Variants in LAIR2 observed in about 807,000 individuals in gnomAD.
LAIR2 encodes leukocyte-associated immunoglobulin-like receptor 2.
In LAIR2, 14 loss-of-function variants were observed where a neutral mutation model predicts 14.8. The ratio of observed to expected loss-of-function variants is 0.95; its 90% CI spans 0.62 to 1.48. The LOEUF (loss-of-function observed/expected upper bound fraction) is 1.48, where lower values mean the gene tolerates loss of function less well. LAIR2 is among the 40% of genes most tolerant of loss of function. LAIR2 has a pLI of 0.00. For synonymous variants in LAIR2, 75 were observed against 74.5 expected, an observed-to-expected ratio of 1.01 and a Z score of -0.03; for missense variants, 172 against 180.9, an observed-to-expected ratio of 0.95 and a Z score of 0.28.
chr19:54,503,007 G>C, intron 1 of LAIR2, 55 bp downstream of exon 1: 1 of 1,539,462 alleles, frequency 6.5e-7, no homozygotes, highest in Non-Finnish European at 8.9e-7. Context: ...GGTCTGGAAA[G>C]TTCCCTGCTC....
intron 4 of LAIR2, among the ~76,000 whole-genome samples, chr19:54,510,248 T>G (rs1399833756): frequency 1.4e-5 from 2 of 144,440 alleles, no homozygotes; most frequent in Admixed American, 1.4e-4. Flanking sequence ...CATATAAAGG[T>G]CACGAGGGCA....
intron 2 of LAIR2, among the ~76,000 whole-genome samples, chr19:54,504,734 C>G (rs1184643397): frequency 6.6e-6 from 1 of 152,092 alleles, no homozygotes; most frequent in Non-Finnish European, 1.5e-5. Flanking sequence ...CTCAGCCTCT[C>G]GAGTAGCTGG....
At chr19:54,508,260 C>G (rs575524807) in intron 3 of LAIR2, 76 bp downstream of exon 3, 2 of 1,430,360 alleles carry the variant, frequency 1.4e-6, no homozygotes, top group Non-Finnish European at 9.5e-7. Context: ...GGTCCCTGTC[C>G]CGGCTGCTGT....
chr19:54,504,449 A>G (rs1037252546), intron 2 of LAIR2, among the ~76,000 whole-genome samples: 6 of 152,200 alleles, frequency 3.9e-5, no homozygotes, highest in Non-Finnish European at 7.3e-5. Context: ...ATAATAAGTT[A>G]TTATTAACTA....
intron 4 of LAIR2, 46 bp from the exon 5 acceptor site, chr19:54,510,480 G>A (rs576707730): frequency 6.5e-7 from 1 of 1,547,448 alleles, no homozygotes; most frequent in Admixed American, 1.7e-5. Context: ...AAACCCCAAA[G>A]GAGGGATGCT....
At chr19:54,505,307 A>T (rs2085345768) in intron 2 of LAIR2, among the ~76,000 whole-genome samples, 1 of 151,980 alleles carries the variant, frequency 6.6e-6, no homozygotes, top group Non-Finnish European at 1.5e-5. Flanking sequence ...CAAAGGGCAG[A>T]CTCTGAACAC....
intron 3 of LAIR2, among the ~76,000 whole-genome samples, chr19:54,508,711 T>A (rs1202078529): frequency 6.6e-6 from 1 of 152,286 alleles, no homozygotes; most frequent in African/African-American, 2.4e-5. Context: ...CACTCCTGTG[T>A]GTGCTCAGCC....
intron 1 of LAIR2, 142 bp from the exon 2 acceptor site, chr19:54,503,558 T>C: frequency 2.1e-6 from 2 of 960,728 alleles, no homozygotes; most frequent in South Asian, 2.7e-5. Flanking sequence ...AAGGATTACA[T>C]GGAGACAGTG....
In LAIR2 at chr19:54,510,629, C is replaced by G; in HGVS notation, c.*60C>G. 6.3e-7 allele frequency: 1 copy of G among 1,590,584 alleles called. No individual in the cohort carries two copies. The highest frequency in any genetic ancestry group is 2.2e-5 in the East Asian group (1 of 44,750). On this transcript the variant is annotated 3_prime_UTR_variant, in exon 5 of 5. Transcript: ENST00000301202. ...AATGGGGAGAAATAATTAGAATGAG[C>G]AATAGAAATGCACAGATGCCTATAC...
intron 3 of LAIR2, among the ~76,000 whole-genome samples, 168 bp from the exon 4 acceptor site, chr19:54,508,867 C>T (rs2085416454): frequency 6.6e-6 from 1 of 152,234 alleles, no homozygotes; most frequent in East Asian, 1.9e-4. Context: ...ATGGGGCAAG[C>T]AGCGGGGCTC....
intron 4 of LAIR2, among the ~76,000 whole-genome samples, chr19:54,510,195 C>G (rs555022878): frequency 0.015 from 2,157 of 143,988 alleles, 40 homozygotes; most frequent in Non-Finnish European, 0.022. Context: ...CTCTCCCTCT[C>G]TTCTTCTCCT....
intron 4 of LAIR2, among the ~76,000 whole-genome samples, chr19:54,510,289 T>C (rs949366586): frequency 1.3e-5 from 2 of 150,254 alleles, no homozygotes; most frequent in Admixed American, 1.3e-4. Context: ...GCTGGGTTCA[T>C]GGTTCAAATC....
rs565620518 is a variant in LAIR2 at position 54,503,124 on chromosome 19, T to C, written c.34+172T>C. The stretch of plus-strand genomic sequence containing the variant: ...CTAAGTCTGATCAGAGACAACCTTG[T>C]CCTAAAAACAGGGGCCCGGGTGTGG... On this transcript the variant is annotated intron_variant, in intron 1 of 4. Transcript: ENST00000301202. 4.6e-5 allele frequency among the ~76,000 whole-genome samples: 7 copies of C among 152,166 alleles called. No individual in the cohort carries two copies. In the East Asian group the frequency reaches 1.4e-3, roughly 29 times the overall value.
chr19:54,508,098 A>G lies in LAIR2; in HGVS notation c.278A>G (p.Glu93Gly). 6.2e-7 allele frequency: 1 copy of G among 1,614,128 alleles called. No homozygotes were observed. The highest frequency in any genetic ancestry group is 8.5e-7 in the Non-Finnish European group (1 of 1,179,994). ...AGATTCCACATTGACTCAGTAAGTG[A>G]AGGAAATGCCGGGCTTTATCGCTGC... ...EARFHIDSVS[E>G]GNAGLYRCLY... The change falls in exon 3 of 5, where the codon GAA becomes GGA. Residue 93 changes from glutamate to glycine, a missense_variant. By Grantham distance (98) the Glu-to-Gly change is moderately conservative. This residue lies in a region of LAIR2 where 161 missense variants were observed against 149.0 expected (regional missense o/e 1.08). Transcript: ENST00000301202.
At chr19:54,504,916 A>T (rs2085337689) in intron 2 of LAIR2, among the ~76,000 whole-genome samples, 1 of 152,180 alleles carries the variant, frequency 6.6e-6, no homozygotes, top group African/African-American at 2.4e-5. Context: ...GGCCGAGATG[A>T]ACTTTTTTAG....
intron 2 of LAIR2, among the ~76,000 whole-genome samples, chr19:54,506,357 G>C (rs1294907887): frequency 6.6e-6 from 1 of 152,130 alleles, no homozygotes; most frequent in South Asian, 2.1e-4. Context: ...TGTAGTCACC[G>C]TGTTGTACAT....
chr19:54,503,630 C>T lies in LAIR2; in HGVS notation c.35-70C>T, dbSNP rs571325927. ...TGAATGCCCCCCAGCTCCGTCAAGCCCCCTTTTGACAGCAGCCCTGTAAGG... is the reference window on the plus strand; with the variant it reads ...TGAATGCCCCCCAGCTCCGTCAAGCTCCCTTTTGACAGCAGCCCTGTAAGG... On this transcript the variant is annotated intron_variant, in intron 1 of 4. Coordinates refer to ENST00000301202, the MANE Select transcript of LAIR2 (RefSeq NM_002288.6). 3.7e-6 allele frequency: 6 copies of T among 1,605,502 alleles called. No individual in the cohort carries two copies. In the African/African-American group the frequency reaches 8.0e-5, roughly 21 times the overall value.
At chr19:54,510,490 T>G (rs1380089688) in intron 4 of LAIR2, 36 bp from the exon 5 acceptor site, 3 of 1,572,366 alleles carry the variant, frequency 1.9e-6, no homozygotes, top group African/African-American at 1.3e-5. Flanking sequence ...GGAGGGATGC[T>G]CCTATTAATA....
chr19:54,507,565 C>G (rs2085387832), intron 2 of LAIR2, among the ~76,000 whole-genome samples: 1 of 151,934 alleles, frequency 6.6e-6, no homozygotes, highest in South Asian at 2.1e-4. Flanking sequence ...CACCCTCTGT[C>G]CCTCTAGAAA....
Sources: allele counts gnomAD v4.1 joint callset (sites outside exome capture counted in the v4.1 genomes callset), GRCh38; gene constraint gnomAD v4.1.1; regional missense constraint gnomAD v4.1.1; transcripts MANE v1.5; gene names NCBI Gene and HGNC (gene_info 2026-07-23, HGNC 2026-07-21).